Variants in SHANK2 observed in about 807,000 individuals in gnomAD.
The protein encoded by SHANK2 is SH3 and multiple ankyrin repeat domains protein 2.
SHANK2 carries 43 observed loss-of-function variants against 133.7 expected under a neutral mutation model. The ratio of observed to expected loss-of-function variants is 0.32; its 90% CI spans 0.25 to 0.41. The LOEUF (loss-of-function observed/expected upper bound fraction) is 0.41, where lower values mean the gene tolerates loss of function less well. Among genes scored for constraint, SHANK2 ranks in the 10% least tolerant of loss-of-function variants. The pLI, the probability that SHANK2 is intolerant of heterozygous loss-of-function variation, is 1.00. For synonymous variants in SHANK2, 1,017 were observed against 952.8 expected (o/e 1.07, Z -1.24); for missense variants, 1,994 against 2,235.8 (o/e 0.89, Z 2.18).
intron 14 of SHANK2, among the ~76,000 whole-genome samples, chr11:70,763,296 G>A (rs1947033212): frequency 1.3e-5 from 2 of 152,266 alleles, no homozygotes; most frequent in South Asian, 4.1e-4. Flanking sequence ...CCATCTTTGA[G>A]ACAGGGCCAT....
At chr11:71,068,208 G>A (rs1429776391) in intron 9 of SHANK2, among the ~76,000 whole-genome samples, 1 of 152,152 alleles carries the variant, frequency 6.6e-6, no homozygotes, top group Non-Finnish European at 1.5e-5. Context: ...GTAGAAAGAG[G>A]AAGGGGGTGA....
intron 1 of SHANK2, among the ~76,000 whole-genome samples, chr11:71,235,175 C>T (rs941438061): frequency 2.0e-5 from 3 of 152,112 alleles, no homozygotes; most frequent in Non-Finnish European, 4.4e-5. Flanking sequence ...AATGAGGTGA[C>T]TTAGGGTGGG....
At chr11:70,488,183 G>A (rs1241397434) in intron 24 of SHANK2, among the ~76,000 whole-genome samples, 4 of 152,224 alleles carry the variant, frequency 2.6e-5, no homozygotes, top group Admixed American at 2.6e-4. Flanking sequence ...TGCCCCTTCA[G>A]GCATGGTAAG....
chr11:70,944,922 C>G (rs1201332559), intron 10 of SHANK2, among the ~76,000 whole-genome samples: 4 of 152,218 alleles, frequency 2.6e-5, no homozygotes, highest in African/African-American at 9.7e-5. Context: ...CTCAAATGCT[C>G]CCTGTTTCAC....
At chr11:71,165,105 T>C (rs1431012451) in intron 2 of SHANK2, among the ~76,000 whole-genome samples, 10 of 151,462 alleles carry the variant, frequency 6.6e-5, no homozygotes, top group African/African-American at 1.9e-4. Context: ...ACGATCTCGG[T>C]TCATTGCAAC....
chr11:70,729,668 G>A (rs1457789731), intron 14 of SHANK2, among the ~76,000 whole-genome samples: 1 of 151,622 alleles, frequency 6.6e-6, no homozygotes, highest in Non-Finnish European at 1.5e-5. Context: ...GGGACTACAG[G>A]TGCCCGCTAC....
chr11:71,152,658 G>GAAGCTCCCAAACC (rs1952820445), intron 2 of SHANK2, among the ~76,000 whole-genome samples: 1 of 152,110 alleles, frequency 6.6e-6, no homozygotes, highest in Admixed American at 6.5e-5. Flanking sequence ...CCATGGTGCA[G>GAAGCTCCCAAACC]AAGGGCTCCA....
intron 11 of SHANK2, chr11:70,863,339 C>A (rs758528951): frequency 9.8e-5 from 45 of 458,038 alleles, no homozygotes; most frequent in Non-Finnish European, 1.8e-4. Context: ...TGCCCAGATG[C>A]CGGCTCCCCG....
At chr11:71,100,700 C>G (rs1205412724) in intron 6 of SHANK2, among the ~76,000 whole-genome samples, 1 of 152,010 alleles carries the variant, frequency 6.6e-6, no homozygotes, top group African/African-American at 2.4e-5. Flanking sequence ...AACCCCGTCT[C>G]TACTAAAAAT....
At chr11:71,091,798 C>G (rs1368302654) in intron 8 of SHANK2, among the ~76,000 whole-genome samples, 1 of 152,204 alleles carries the variant, frequency 6.6e-6, no homozygotes, top group Non-Finnish European at 1.5e-5. Flanking sequence ...CTCTCCCTGC[C>G]CATCAGCTCA....
intron 11 of SHANK2, among the ~76,000 whole-genome samples, chr11:70,891,828 G>A (rs782682762): frequency 6.6e-6 from 1 of 152,198 alleles, no homozygotes; most frequent in Non-Finnish European, 1.5e-5. Context: ...CTGGGAAGGA[G>A]CATCCCAGTG....
At chr11:70,826,665 C>G (rs1948645252) in intron 11 of SHANK2, 1 of 388,514 alleles carries the variant, frequency 2.6e-6, no homozygotes, top group Non-Finnish European at 5.3e-6. Context: ...CTGGGCATGC[C>G]AGACCCAGCG....
chr11:70,738,490 C>T (rs111996575), intron 14 of SHANK2, among the ~76,000 whole-genome samples: 7 of 152,346 alleles, frequency 4.6e-5, no homozygotes, highest in Admixed American at 2.0e-4. Flanking sequence ...CACTGCCCCT[C>T]GTGTGCGGGG....
chr11:71,252,804 G>A (rs1240166439), upstream of SHANK2, among the ~76,000 whole-genome samples: 2 of 151,780 alleles, frequency 1.3e-5, no homozygotes, highest in Admixed American at 6.6e-5. This position sits in a 1 kb window ranked among gnomAD's most constrained non-coding sequence, Gnocchi z 6.3. Flanking sequence ...GAGACCGCGG[G>A]GCGCCCTGGC....
rs2058602303 is a variant in SHANK2, at chr11:70,471,970, C to T, written c.*899G>A. The T allele has an allele frequency of 6.6e-6, 1 of 152,528 alleles. No individual in the cohort carries two copies. The highest frequency in any genetic ancestry group is 2.4e-5 in the African/African-American group (1 of 41,468). 9.4% of individuals were successfully genotyped at this position (152,528 alleles called of 1,614,324 possible). On this transcript the variant is annotated 3_prime_UTR_variant, in exon 26 of 26. Coordinates refer to ENST00000601538, the MANE Select transcript of SHANK2 (RefSeq NM_012309.5). The surrounding 1 kb of genome is among the most constrained non-coding windows in gnomAD (Gnocchi z 4.1). ...AAGAATTCTGAGAGGCAGAGAAGCC[C>T]TTATTCTCCATCCTGGATGGGTGCT...
At chr11:70,531,133 G>A (rs1554973083) in intron 17 of SHANK2, among the ~76,000 whole-genome samples, 1 of 133,032 alleles carries the variant, frequency 7.5e-6, no homozygotes, top group East Asian at 2.3e-4. Flanking sequence ...ACCCCAGCCT[G>A]GGCAACAGAG....
chr11:71,199,497 G>A (rs1343001279), intron 2 of SHANK2, among the ~76,000 whole-genome samples: 1 of 152,240 alleles, frequency 6.6e-6, no homozygotes, highest in Non-Finnish European at 1.5e-5. Flanking sequence ...CCCAGGAAGA[G>A]GCACTTCATG....
chr11:71,117,255 G>C (rs1304969298), intron 4 of SHANK2, among the ~76,000 whole-genome samples: 3 of 152,152 alleles, frequency 2.0e-5, no homozygotes, highest in African/African-American at 4.8e-5. Flanking sequence ...CCTGATCTCA[G>C]GTGATCCACC....
intron 3 of SHANK2, among the ~76,000 whole-genome samples, chr11:71,143,812 T>C (rs1453769287): frequency 6.6e-6 from 1 of 151,890 alleles, no homozygotes; most frequent in African/African-American, 2.4e-5. Context: ...GTCAAACATG[T>C]GACCAGGGGC....
Sources: gnomAD v4.1 joint callset for allele counts (sites outside exome capture counted in the v4.1 genomes callset) on GRCh38, gnomAD v4.1.1 for gene constraint, Gnocchi (gnomAD v3.1) non-coding constraint, MANE v1.5 for transcripts, NCBI Gene and HGNC (gene_info 2026-07-23, HGNC 2026-07-21) for gene names.